Variants in LRTM1 observed in about 807,000 individuals in gnomAD.
LRTM1 encodes leucine rich repeat transmembrane protein 1.
In LRTM1, 38 loss-of-function variants were observed where a neutral mutation model predicts 32.4. That is an observed-to-expected ratio of 1.17 (90% confidence interval 0.91 to 1.54). The LOEUF is 1.54. Among genes scored for constraint, LRTM1 ranks in the 40% most tolerant of loss-of-function variants. The pLI is 0.00. For synonymous variants in LRTM1, 186 were observed against 169.9 expected, an observed-to-expected ratio of 1.09 and a Z score of -0.74; for missense variants, 466 against 415.4, an observed-to-expected ratio of 1.12 and a Z score of -1.06.
At chr3:54,940,498 C>G (rs1701438417) in intron 1 of LRTM1, among the ~76,000 whole-genome samples, 1 of 152,162 alleles carries the variant, frequency 6.6e-6, no homozygotes, top group African/African-American at 2.4e-5. Context: ...AGCTTCGGGC[C>G]ATGTGTTTTA....
chr3:54,936,137 A>G (rs1701322541), intron 1 of LRTM1, among the ~76,000 whole-genome samples: 1 of 151,896 alleles, frequency 6.6e-6, no homozygotes, highest in Non-Finnish European at 1.5e-5. Context: ...AAAGGGTTAA[A>G]CAGTTTTTTA....
chr3:54,924,897 G>C lies in LRTM1; in HGVS notation c.326C>G (p.Ser109Ter). 1 of 1,613,760 alleles carries C rather than the reference G, an allele frequency of 6.2e-7. No individual in the cohort carries two copies. Residue 109 changes from serine to a stop codon, truncating the protein, a stop_gained, in exon 2 of 3, where the codon TCA becomes TGA. Coordinates refer to ENST00000273286, the MANE Select transcript of LRTM1 (RefSeq NM_020678.4). LOFTEE classifies it high-confidence loss of function. ...HLQVLNLTQN[S>*]LLSLESRLFH... Reference sequence around the variant, plus strand: ...AAGTCTGCTTTCCAGGGAAAGGAGTGAATTCTGGGTTAGATTTAAAACCTG... The same window carrying C: ...AAGTCTGCTTTCCAGGGAAAGGAGTCAATTCTGGGTTAGATTTAAAACCTG...
At chr3:54,954,143 C>G (rs1701824736) in intron 1 of LRTM1, among the ~76,000 whole-genome samples, 1 of 152,168 alleles carries the variant, frequency 6.6e-6, no homozygotes, top group East Asian at 1.9e-4. Context: ...ATCATGTCAT[C>G]ATGCAGGCAT....
intron 1 of LRTM1, among the ~76,000 whole-genome samples, chr3:54,942,122 T>C (rs946400415): frequency 6.6e-6 from 1 of 152,254 alleles, no homozygotes; most frequent in Non-Finnish European, 1.5e-5. Context: ...CAATCCTTTG[T>C]TACCTTAGCC....
chr3:54,966,135 T>G (rs1575412354), intron 1 of LRTM1, among the ~76,000 whole-genome samples: 1 of 149,844 alleles, frequency 6.7e-6, no homozygotes, highest in Non-Finnish European at 1.5e-5. Context: ...AGAACGGGGG[T>G]GGGGGTCTCA....
upstream of LRTM1, among the ~76,000 whole-genome samples, chr3:54,928,963 G>A (rs537181684): frequency 3.9e-5 from 6 of 152,272 alleles, 1 homozygote; most frequent in South Asian, 1.2e-3. Flanking sequence ...GCCATTTGCT[G>A]AGGTGGGGTT....
chr3:54,960,095 A>G (rs965117228), intron 1 of LRTM1, among the ~76,000 whole-genome samples: 1 of 151,432 alleles, frequency 6.6e-6, no homozygotes. Context: ...AAAAAAAACC[A>G]AAGTGATTAT....
At chr3:54,944,686 G>T (rs1003439514) in intron 1 of LRTM1, among the ~76,000 whole-genome samples, 1 of 152,032 alleles carries the variant, frequency 6.6e-6, no homozygotes, top group African/African-American at 2.4e-5. Flanking sequence ...CTCCCAAAGT[G>T]CTGGGATTAC....
intron 1 of LRTM1, among the ~76,000 whole-genome samples, chr3:54,966,322 T>G (rs1702149248): frequency 6.6e-6 from 1 of 152,228 alleles, no homozygotes; most frequent in African/African-American, 2.4e-5. Context: ...AAGATGAGAT[T>G]TATTTGAAAT....
intron 1 of LRTM1, among the ~76,000 whole-genome samples, chr3:54,945,218 A>G (rs1246820708): frequency 6.6e-6 from 1 of 152,134 alleles, no homozygotes; most frequent in Non-Finnish European, 1.5e-5. Context: ...TCAGGAATAT[A>G]TAAGTTGGTG....
chr3:54,928,497 G>A (rs930025912), upstream of LRTM1, among the ~76,000 whole-genome samples: 1 of 152,158 alleles, frequency 6.6e-6, no homozygotes, highest in Non-Finnish European at 1.5e-5. Context: ...TTGGCCTGCT[G>A]GAGGCTGACA....
chr3:54,951,812 ATTCTATT>A, intron 1 of LRTM1, among the ~76,000 whole-genome samples: 1 of 152,204 alleles, frequency 6.6e-6, no homozygotes, highest in South Asian at 2.1e-4. Context: ...GCCCTCAGTA[ATTCTATT>A]TTCTGTCTTC....
intron 1 of LRTM1, among the ~76,000 whole-genome samples, chr3:54,954,984 A>G (rs914148876): frequency 6.6e-6 from 1 of 152,186 alleles, no homozygotes; most frequent in African/African-American, 2.4e-5. Flanking sequence ...GGCACCAGCT[A>G]TGCTTAGGGA....
chr3:54,926,769 G>A (rs1701033708), intron 1 of LRTM1, among the ~76,000 whole-genome samples: 1 of 152,100 alleles, frequency 6.6e-6, no homozygotes, highest in Non-Finnish European at 1.5e-5. Context: ...TAGTTGAACG[G>A]TTGCAGTTTT....
upstream of LRTM1, among the ~76,000 whole-genome samples, chr3:54,929,866 ATTAAT>A (rs1454865038): frequency 6.6e-6 from 1 of 152,190 alleles, no homozygotes; most frequent in Non-Finnish European, 1.5e-5. Context: ...GCATTCAATC[ATTAAT>A]TTATCATAAC....
At chr3:54,932,567 T>C (rs532540773), upstream of LRTM1, among the ~76,000 whole-genome samples, 20 of 152,388 alleles carry the variant, frequency 1.3e-4, no homozygotes, top group South Asian at 1.2e-3. Context: ...TTCTAGTGAC[T>C]GGCTGAGTTA....
In LRTM1 at chr3:54,925,158, G is replaced by A. The variant is rs781754883; in HGVS notation, c.65C>T (p.Pro22Leu). The change falls in exon 2 of 3, where the codon CCG (proline) becomes CTG (leucine). Residue 22 changes from proline to leucine, a missense_variant. Transcript: ENST00000273286. ...IVLLQVVCSCPDKCYCQSSTN... is the reference protein window; with the variant it reads ...IVLLQVVCSCLDKCYCQSSTN... ...AGATGACTGACAGTAACACTTGTCC[G>A]GGCAGCTGCATACCACCTGGAGCAG... 100 of 1,613,910 alleles carry A rather than the reference G, an allele frequency of 6.2e-5. No individual in the cohort carries two copies. The highest frequency in any genetic ancestry group is 1.6e-4 in the Middle Eastern group (1 of 6,084).
intron 1 of LRTM1, among the ~76,000 whole-genome samples, chr3:54,949,213 A>G (rs943942187): frequency 2.0e-5 from 3 of 152,226 alleles, no homozygotes; most frequent in Non-Finnish European, 4.4e-5. Flanking sequence ...ACTTTGGCAC[A>G]GGAGCATAGG....
chr3:54,948,819 G>A (rs1345809497), intron 1 of LRTM1, among the ~76,000 whole-genome samples: 1 of 152,202 alleles, frequency 6.6e-6, no homozygotes, highest in African/African-American at 2.4e-5. Context: ...AGTTGCATCT[G>A]TCAGGAGCTG....
Sources: gnomAD v4.1 joint callset for allele counts (sites outside exome capture counted in the v4.1 genomes callset) on GRCh38, gnomAD v4.1.1 for gene constraint, MANE v1.5 for transcripts, NCBI Gene and HGNC (gene_info 2026-07-23, HGNC 2026-07-21) for gene names.